The following CUX1 variants were observed in gnomAD, a reference collection of about 807,000 sequenced individuals.
CUX1 encodes the protein protein CASP.
Under a neutral mutation model 158.8 loss-of-function variants are expected in CUX1, and 31 were observed. The ratio of observed to expected loss-of-function variants is 0.20; its 90% CI spans 0.15 to 0.26. CUX1 has a LOEUF of 0.26. CUX1 is among the 10% of genes least tolerant of loss of function. CUX1 has a pLI of 1.00. For synonymous variants in CUX1, 879 were observed against 862.1 expected (o/e 1.02, Z -0.34); for missense variants, 1,589 against 2,014.6 (o/e 0.79, Z 4.04).
At chr7:101,934,742 C>T (rs1410083868) in intron 2 of CUX1, among the ~76,000 whole-genome samples, 2 of 152,140 alleles carry the variant, frequency 1.3e-5, no homozygotes, top group Middle Eastern at 3.2e-3. Flanking sequence ...GCGCTTCCCC[C>T]GGGGACAGTG....
At chr7:101,864,279 G>A (rs1797741544) in intron 1 of CUX1, among the ~76,000 whole-genome samples, 1 of 151,684 alleles carries the variant, frequency 6.6e-6, no homozygotes, top group East Asian at 1.9e-4. Context: ...ATCCACCTCA[G>A]CCTCCTGAGT....
intron 2 of CUX1, among the ~76,000 whole-genome samples, chr7:101,963,664 A>T (rs888519439): frequency 4.6e-5 from 7 of 152,078 alleles, no homozygotes; most frequent in African/African-American, 1.2e-4. Context: ...ATATATATAT[A>T]TTTTAAGAGA....
At chr7:102,203,962 G>A (rs1316500866) in intron 18 of CUX1, among the ~76,000 whole-genome samples, 1 of 152,204 alleles carries the variant, frequency 6.6e-6, no homozygotes, top group Non-Finnish European at 1.5e-5. Context: ...AGCTTCGCCA[G>A]TCCCACCGGC....
chr7:102,139,106 G>A (rs1554499490), intron 8 of CUX1, among the ~76,000 whole-genome samples: 1 of 152,086 alleles, frequency 6.6e-6, no homozygotes, highest in East Asian at 1.9e-4. Flanking sequence ...TTAGCTGGGT[G>A]TGGTGGTATG....
intron 1 of CUX1, among the ~76,000 whole-genome samples, chr7:101,821,857 GTTTTTTT>G (rs58248170): frequency 3.6e-5 from 3 of 83,406 alleles, no homozygotes; most frequent in Admixed American, 1.3e-4. Context: ...TTGTTTTTTT[GTTTTTTT>G]TTTTTTTTGA....
chr7:102,079,336 G>T (rs929215207), intron 4 of CUX1, among the ~76,000 whole-genome samples: 11 of 152,058 alleles, frequency 7.2e-5, no homozygotes, highest in Non-Finnish European at 1.0e-4. Context: ...TACTCGGGAT[G>T]CTGAGTCACG....
At chr7:101,846,684 TA>T (rs1173310762) in intron 1 of CUX1, among the ~76,000 whole-genome samples, 4 of 152,138 alleles carry the variant, frequency 2.6e-5, no homozygotes, top group African/African-American at 9.7e-5. Flanking sequence ...TTCAAGGTGC[TA>T]ATACATTAAA....
intron 2 of CUX1, among the ~76,000 whole-genome samples, chr7:101,947,393 A>G (rs1380922793): frequency 6.6e-6 from 1 of 152,212 alleles, no homozygotes; most frequent in Non-Finnish European, 1.5e-5. Flanking sequence ...CTCCGTCTCA[A>G]AAAAACAAAA....
chr7:102,113,858 G>A (rs1383651385), intron 7 of CUX1, among the ~76,000 whole-genome samples: 8 of 152,088 alleles, frequency 5.3e-5, no homozygotes, highest in South Asian at 4.1e-4. Flanking sequence ...GTGGGCTACC[G>A]CACCTGGCCT....
In CUX1 at chr7:102,099,588, T is replaced by A. The variant is rs1485138102; in HGVS notation, c.406+2087T>A. Among the ~76,000 whole-genome samples, 5 of 152,022 alleles carry A rather than the reference T, an allele frequency of 3.3e-5. No homozygotes were observed. The East Asian group carries it at 9.7e-4, about 29-fold the overall frequency. On this transcript the variant is annotated intron_variant, in intron 5 of 23. Transcript: ENST00000292535. ...ATTTATTTATTTTAGATTCAGGGTC[T>A]CGCCCTGTCACCCAGGCTGGAGTGC...
chr7:101,893,220 C>G (rs1296420460), intron 1 of CUX1, among the ~76,000 whole-genome samples: 1 of 125,128 alleles, frequency 8.0e-6, no homozygotes, highest in Non-Finnish European at 1.6e-5. Flanking sequence ...GTTGCCCAGG[C>G]TGGTCTCGAA....
intron 10 of CUX1, among the ~76,000 whole-genome samples, chr7:102,173,579 C>T (rs1210324262): frequency 1.3e-5 from 2 of 152,188 alleles, no homozygotes; most frequent in Non-Finnish European, 2.9e-5. Context: ...GGGTCAGCGG[C>T]TTCCCCTGGC....
rs10239152 is a variant in CUX1, at chr7:101,887,629, G to A, written c.31-28486G>A. Among the ~76,000 whole-genome samples, 768 of 151,986 alleles carry A rather than the reference G, an allele frequency of 5.1e-3. 7 individuals are homozygous for A. The highest frequency in any genetic ancestry group is 0.018 in the African/African-American group (741 of 41,462). On this transcript the variant is annotated intron_variant, in intron 1 of 23. Transcript: ENST00000292535. ...CGGCCATGTCCTCTTTTTCTGATTC[G>A]GGAGGATAAGGGCTCCCCATGACAC...
intron 2 of CUX1, among the ~76,000 whole-genome samples, chr7:102,021,308 T>A (rs1819308034): frequency 2.0e-5 from 3 of 151,478 alleles, no homozygotes; most frequent in Admixed American, 1.3e-4. Flanking sequence ...GATTATCAGA[T>A]TTTTTTTTCC....
intron 1 of CUX1, among the ~76,000 whole-genome samples, chr7:101,838,122 C>T (rs185373372): frequency 1.0e-3 from 153 of 151,210 alleles, no homozygotes; most frequent in African/African-American, 7.3e-4. Flanking sequence ...CCTTTTCACT[C>T]GTCACATTTT....
intron 20 of CUX1, among the ~76,000 whole-genome samples, chr7:102,222,722 C>CA (rs1173166036): frequency 6.6e-6 from 1 of 151,000 alleles, no homozygotes; most frequent in Non-Finnish European, 1.5e-5. Context: ...CACTTGGGCG[C>CA]AGGGTGCAGG....
chr7:101,846,806 T>C (rs1441961746), intron 1 of CUX1, among the ~76,000 whole-genome samples: 1 of 152,024 alleles, frequency 6.6e-6, no homozygotes, highest in African/African-American at 2.4e-5. Context: ...TAAAAATAAT[T>C]GCAGGCTGTG....
At chr7:102,187,701 G>T (rs1212150547) in intron 11 of CUX1, among the ~76,000 whole-genome samples, 3 of 151,642 alleles carry the variant, frequency 2.0e-5, no homozygotes, top group Admixed American at 2.0e-4. Context: ...AGTAGAGACG[G>T]GGTTTCACCA....
At chr7:102,125,270 G>T (rs1256421890) in intron 8 of CUX1, among the ~76,000 whole-genome samples, 2 of 152,150 alleles carry the variant, frequency 1.3e-5, no homozygotes, top group Non-Finnish European at 2.9e-5. Context: ...GCCCAATGAG[G>T]ACGTTTGCGC....
Sources: allele counts gnomAD v4.1 joint callset (sites outside exome capture counted in the v4.1 genomes callset), GRCh38; gene constraint gnomAD v4.1.1; transcripts MANE v1.5; gene names NCBI Gene and HGNC (gene_info 2026-07-23, HGNC 2026-07-21).